ZNF544: variants seen among roughly 807,000 people sequenced by gnomAD.
The protein encoded by ZNF544 is zinc finger protein 544.
Under a neutral mutation model 13.5 loss-of-function variants are expected in ZNF544, and 10 were observed. The observed-to-expected ratio is 0.74, with a 90% CI of 0.46 to 1.25. The LOEUF (loss-of-function observed/expected upper bound fraction) is 1.25, where lower values mean the gene tolerates loss of function less well. ZNF544 is among the 50% of genes most tolerant of loss of function. The probability of loss-of-function intolerance (pLI) is 0.00; values close to 1 mark genes in which losing one functional copy is unlikely to be tolerated. For missense variants in ZNF544, 896 were observed against 845.6 expected (o/e 1.06, Z -0.74); for synonymous variants, 323 against 300.5 (o/e 1.07, Z -0.77).
At chr19:58,244,129 C>A (rs2044537120) in intron 4 of ZNF544, 73 bp downstream of exon 4, 2 of 1,338,598 alleles carry the variant, frequency 1.5e-6, no homozygotes, top group African/African-American at 1.5e-5. Context: ...TAGCACCCGC[C>A]CCTGCAGGCT....
At chr19:58,248,875 C>A (rs941238416) in intron 6 of ZNF544, among the ~76,000 whole-genome samples, 3 of 152,144 alleles carry the variant, frequency 2.0e-5, no homozygotes, top group African/African-American at 4.8e-5. Flanking sequence ...GTTTAAATCC[C>A]GAGAGGTTTC....
At chr19:58,264,929 G>T (rs943107303), downstream of ZNF544, among the ~76,000 whole-genome samples, 4 of 151,948 alleles carry the variant, frequency 2.6e-5, no homozygotes, top group Non-Finnish European at 4.4e-5. Flanking sequence ...ACTTGAGCCT[G>T]GGGGTGGGGG....
chr19:58,275,544 C>T (rs1600443241), intron 5 of ZNF544, among the ~76,000 whole-genome samples: 3 of 152,058 alleles, frequency 2.0e-5, no homozygotes, highest in South Asian at 4.2e-4. Flanking sequence ...GGCTGGGCAC[C>T]GTTTTTGTAA....
chr19:58,250,197 T>C (rs2147217087), intron 6 of ZNF544, among the ~76,000 whole-genome samples: 1 of 152,336 alleles, frequency 6.6e-6, no homozygotes, highest in South Asian at 2.1e-4. Flanking sequence ...TGTTTTCACT[T>C]TCCCAAGTGG....
chr19:58,232,346 C>CT (rs71190011), intron 3 of ZNF544, among the ~76,000 whole-genome samples: 943 of 75,118 alleles, frequency 0.013, 8 homozygotes, highest in Middle Eastern at 0.018. Context: ...ACAATTTTAT[C>CT]TTTTTTTTTT....
downstream of ZNF544, among the ~76,000 whole-genome samples, chr19:58,265,663 A>T (rs975088134): frequency 6.6e-6 from 1 of 151,940 alleles, no homozygotes; most frequent in Non-Finnish European, 1.5e-5. Context: ...TGGCGCAGTC[A>T]TGGCTCACTG....
chr19:58,238,610 G>A (rs1209746504), intron 3 of ZNF544, among the ~76,000 whole-genome samples: 1 of 152,146 alleles, frequency 6.6e-6, no homozygotes, highest in East Asian at 1.9e-4. Context: ...GCAGAGGAGT[G>A]CGTACGTGAG....
chr19:58,257,198 G>A (rs1443016879), intron 6 of ZNF544: 1 of 152,252 alleles, frequency 6.6e-6, no homozygotes, highest in African/African-American at 2.4e-5. Flanking sequence ...TGGGATTACA[G>A]GCATGAGCCA....
intron 6 of ZNF544, chr19:58,251,334 G>C: frequency 1.9e-6 from 1 of 519,042 alleles, no homozygotes; most frequent in South Asian, 1.4e-5. Context: ...ACAAGTCACA[G>C]GTGTAGTGGC....
intron 6 of ZNF544, chr19:58,277,106 C>A: frequency 1.8e-6 from 2 of 1,088,658 alleles, no homozygotes; most frequent in Non-Finnish European, 2.3e-6. Flanking sequence ...TCTCATGAGG[C>A]CTAGAGCAGG....
intron 3 of ZNF544, among the ~76,000 whole-genome samples, chr19:58,242,769 C>G (rs931113435): frequency 6.6e-6 from 1 of 152,120 alleles, no homozygotes; most frequent in African/African-American, 2.4e-5. Flanking sequence ...GCAATCTCGG[C>G]TCACTAAAAC....
downstream of ZNF544, among the ~76,000 whole-genome samples, chr19:58,264,890 G>A (rs950937757): frequency 1.3e-5 from 2 of 152,030 alleles, no homozygotes; most frequent in Non-Finnish European, 2.9e-5. Context: ...TGTAGTCCCA[G>A]CTACTCAGGA....
intron 6 of ZNF544, among the ~76,000 whole-genome samples, chr19:58,276,947 T>C (rs1489601828): frequency 6.6e-6 from 1 of 152,182 alleles, no homozygotes; most frequent in East Asian, 1.9e-4. Context: ...CTAGGTTACT[T>C]TTCTTGTAAG....
At chr19:58,246,895 G>A (rs373107513) in intron 6 of ZNF544, 101 bp downstream of exon 6, 1 of 1,144,398 alleles carries the variant, frequency 8.7e-7, no homozygotes, top group Middle Eastern at 2.8e-4. Flanking sequence ...TTGTTTGGAG[G>A]AAGCCTCCTT....
chr19:58,247,709 T>C (rs1405759084), intron 6 of ZNF544: 1 of 151,676 alleles, frequency 6.6e-6, no homozygotes, highest in African/African-American at 2.4e-5. Context: ...AATTTTTGTA[T>C]TTTTAATGGA....
Position 58,263,292 on chromosome 19 carries a change from CTT to C in ZNF544, c.*540_*541del, listed in dbSNP as rs66680972. The C allele has an allele frequency of 0.56, 486,615 of 876,370 alleles. 136,958 individuals are homozygous for C. Among genetic ancestry groups the C allele is most frequent in the Middle Eastern group, 0.67 (1,126 of 1,674 alleles). The allele number at this position is 876,370 out of a possible 1,614,324, so 54.3% of individuals were successfully genotyped here. A position where few individuals can be genotyped will look rare whatever the true frequency, so the allele number is the denominator to read the frequency against. On this transcript the variant is annotated 3_prime_UTR_variant, in exon 7 of 7. Coordinates refer to ENST00000687789, the MANE Select transcript of ZNF544 (RefSeq NM_014480.4). Reference sequence around the variant, plus strand: ...CCTGGGTAACATGGCAAAATCCTGTCTTTACAAAAAATACAAAAATTAGCCTA... The same window carrying C: ...CCTGGGTAACATGGCAAAATCCTGTCTACAAAAAATACAAAAATTAGCCTA...
In ZNF544 at chr19:58,234,693, A is replaced by G. The variant is rs910930100; in HGVS notation, c.-60+4231A>G. On this transcript the variant is annotated intron_variant, in intron 3 of 6. Coordinates refer to ENST00000687789, the MANE Select transcript of ZNF544 (RefSeq NM_014480.4). ...AACATACACATGCAGAAAGGGAGGC[A>G]TGTATGAAAGCAAGAGTGGCCATTA... Among the ~76,000 whole-genome samples, 43 of 152,252 alleles carry G rather than the reference A, an allele frequency of 2.8e-4. 2 individuals are homozygous for G. The highest frequency in any genetic ancestry group is 2.9e-5 in the Non-Finnish European group (2 of 68,038).
At chr19:58,252,026 C>T (rs539495827) in intron 6 of ZNF544, among the ~76,000 whole-genome samples, 2 of 152,150 alleles carry the variant, frequency 1.3e-5, no homozygotes, top group Non-Finnish European at 2.9e-5. Context: ...CATTAAACTT[C>T]TCTGTTCTGG....
chr19:58,263,221 G>A lies in ZNF544; in HGVS notation c.*467G>A, dbSNP rs181987411. On this transcript the variant is annotated 3_prime_UTR_variant, in exon 7 of 7. Coordinates refer to ENST00000687789, the MANE Select transcript of ZNF544 (RefSeq NM_014480.4). ...AACACTTGTAATCCCAGCAGTTTGC[G>A]AGGCCGAGGCAGGTGGATCACTTGA... is the stretch of plus-strand genomic sequence containing the variant. 2.8e-3 allele frequency: 2,755 copies of A among 985,472 alleles called. 8 individuals are homozygous for A. Among genetic ancestry groups the A allele is most frequent in the Admixed American group, 3.5e-3 (60 of 17,186 alleles). The allele number at this position is 985,472 out of a possible 1,614,324, so 61.0% of individuals were successfully genotyped here.
Sources: gnomAD v4.1 joint callset for allele counts (sites outside exome capture counted in the v4.1 genomes callset) on GRCh38, gnomAD v4.1.1 for gene constraint, MANE v1.5 for transcripts, NCBI Gene and HGNC (gene_info 2026-07-23, HGNC 2026-07-21) for gene names.